CCDC171: variants seen among roughly 807,000 people sequenced by gnomAD.
CCDC171 encodes the protein coiled-coil domain containing 171, also known as coiled-coil domain-containing protein 171.
Under a neutral mutation model 168.2 loss-of-function variants are expected in CCDC171, and 177 were observed. That is an observed-to-expected ratio of 1.05 (90% CI 0.93 to 1.19). The LOEUF (loss-of-function observed/expected upper bound fraction) is 1.19, where lower values mean the gene tolerates loss of function less well. Ranked by LOEUF, CCDC171 falls within the 50% of genes most tolerant of loss-of-function variation. The probability of loss-of-function intolerance (pLI) is 0.00; values close to 1 mark genes in which losing one functional copy is unlikely to be tolerated. For synonymous variants in CCDC171, 687 were observed against 540.8 expected, an observed-to-expected ratio of 1.27 and a Z score of -3.75; for missense variants, 1,991 against 1,539.0, an observed-to-expected ratio of 1.29 and a Z score of -4.91.
chr9:15,830,586 G>A (rs1024001768), intron 21 of CCDC171, among the ~76,000 whole-genome samples: 8 of 152,088 alleles, frequency 5.3e-5, no homozygotes, highest in Non-Finnish European at 8.8e-5. Flanking sequence ...AATGCAATCC[G>A]CTTTACCATG....
At chr9:15,584,789 TG>T (rs1485813994) in intron 4 of CCDC171, among the ~76,000 whole-genome samples, 1 of 152,142 alleles carries the variant, frequency 6.6e-6, no homozygotes, top group Admixed American at 6.6e-5. Flanking sequence ...TAATTACCTT[TG>T]GTGTTTAATA....
intron 25 of CCDC171, among the ~76,000 whole-genome samples, chr9:15,949,779 T>C (rs1235637689): frequency 1.3e-5 from 2 of 152,170 alleles, no homozygotes; most frequent in African/African-American, 4.8e-5. Context: ...CCTCTTTTCC[T>C]AATTGAATAC....
intron 3 of CCDC171, chr9:16,020,557 G>A (rs1424416611): frequency 6.5e-6 from 1 of 154,296 alleles, no homozygotes; most frequent in Non-Finnish European, 1.5e-5. Flanking sequence ...AAAACATTTT[G>A]TGACTTCTCC....
At chr9:15,861,770 AG>A (rs2061570159) in intron 23 of CCDC171, among the ~76,000 whole-genome samples, 1 of 152,036 alleles carries the variant, frequency 6.6e-6, no homozygotes, top group African/African-American at 2.4e-5. Context: ...TAGAAATAAA[AG>A]TGATTTACCC....
intron 25 of CCDC171, among the ~76,000 whole-genome samples, chr9:15,921,356 C>A (rs10810478): frequency 0.055 from 8,415 of 151,732 alleles, 334 homozygotes; most frequent in Non-Finnish European, 0.084. Context: ...ACTCTCCCTG[C>A]CCCCTGAAAA....
intron 18 of CCDC171, among the ~76,000 whole-genome samples, chr9:15,777,381 A>C (rs1049316793): frequency 6.6e-6 from 1 of 152,220 alleles, no homozygotes; most frequent in Non-Finnish European, 1.5e-5. Flanking sequence ...CTGTAAATAC[A>C]TGCAGATTTT....
chr9:15,629,255 C>G (rs1023665294), intron 7 of CCDC171, among the ~76,000 whole-genome samples: 1 of 152,002 alleles, frequency 6.6e-6, no homozygotes, highest in East Asian at 1.9e-4. Flanking sequence ...GAAATTCAAA[C>G]CAAAGGCAAA....
At chr9:15,582,426 C>G (rs1443343354) in intron 4 of CCDC171, among the ~76,000 whole-genome samples, 3 of 152,190 alleles carry the variant, frequency 2.0e-5, no homozygotes, top group Non-Finnish European at 4.4e-5. Context: ...CATCCCATTG[C>G]TGGGTATATA....
chr9:15,663,309 G>A (rs563487178), intron 8 of CCDC171, among the ~76,000 whole-genome samples: 13 of 151,700 alleles, frequency 8.6e-5, no homozygotes, highest in Non-Finnish European at 1.8e-4. Context: ...TCCCCACCCC[G>A]TCTTTAAACT....
intron 21 of CCDC171, among the ~76,000 whole-genome samples, chr9:15,813,148 A>G (rs2059427086): frequency 6.6e-6 from 1 of 152,200 alleles, no homozygotes; most frequent in Non-Finnish European, 1.5e-5. Context: ...GGCTTGCTAG[A>G]GTGTGATTGA....
At chr9:15,646,226 T>C (rs919292010) in intron 7 of CCDC171, among the ~76,000 whole-genome samples, 5 of 152,100 alleles carry the variant, frequency 3.3e-5, no homozygotes, top group Non-Finnish European at 7.4e-5. Context: ...CAGGCCTGCC[T>C]TACAAGAGCT....
chr9:15,569,031 A>G (rs1236869746), intron 2 of CCDC171, among the ~76,000 whole-genome samples: 1 of 152,132 alleles, frequency 6.6e-6, no homozygotes, highest in Non-Finnish European at 1.5e-5. Flanking sequence ...ATAGTCAAAC[A>G]TATTTGTTAG....
chr9:15,883,917 G>C (rs1819040092), intron 24 of CCDC171, among the ~76,000 whole-genome samples: 1 of 152,170 alleles, frequency 6.6e-6, no homozygotes, highest in African/African-American at 2.4e-5. Flanking sequence ...TATTACAGAA[G>C]GTTGAAGCAG....
At chr9:15,692,782 C>T (rs1438838520) in intron 10 of CCDC171, among the ~76,000 whole-genome samples, 2 of 151,474 alleles carry the variant, frequency 1.3e-5, no homozygotes, top group Non-Finnish European at 2.9e-5. Context: ...GCGCCTCGGC[C>T]TCCCAAAGTG....
chr9:15,989,041 A>G (rs1589300696), intron 3 of CCDC171, among the ~76,000 whole-genome samples: 1 of 152,220 alleles, frequency 6.6e-6, no homozygotes, highest in East Asian at 1.9e-4. Flanking sequence ...AAACCTCTGC[A>G]GACTTAAATG....
At chr9:15,956,293 A>G (rs1829790458) in intron 25 of CCDC171, among the ~76,000 whole-genome samples, 1 of 152,152 alleles carries the variant, frequency 6.6e-6, no homozygotes, top group African/African-American at 2.4e-5. Context: ...TGCTGGGATT[A>G]GTTCATGATG....
intron 2 of CCDC171, among the ~76,000 whole-genome samples, chr9:15,565,445 A>C (rs1444851217): frequency 1.3e-5 from 2 of 152,170 alleles, no homozygotes; most frequent in South Asian, 2.1e-4. Context: ...CAGCCTCCCA[A>C]GTAGCTGGAA....
At chr9:15,704,992 A>G (rs914347492) in intron 11 of CCDC171, among the ~76,000 whole-genome samples, 1 of 152,030 alleles carries the variant, frequency 6.6e-6, no homozygotes, top group African/African-American at 2.4e-5. Flanking sequence ...GTATAGAGTA[A>G]GTTCTGGGGA....
intron 23 of CCDC171, among the ~76,000 whole-genome samples, chr9:15,865,701 A>G (rs1409088273): frequency 2.0e-5 from 3 of 152,050 alleles, no homozygotes; most frequent in African/African-American, 7.2e-5. Flanking sequence ...AATATGTGTT[A>G]ATCAACTGTT....
Sources: allele counts gnomAD v4.1 joint callset (sites outside exome capture counted in the v4.1 genomes callset), GRCh38; gene constraint gnomAD v4.1.1; transcripts MANE v1.5; gene names NCBI Gene and HGNC (gene_info 2026-07-23, HGNC 2026-07-21).